NLGN4X: variants seen among roughly 807,000 people sequenced by gnomAD.
NLGN4X encodes the protein neuroligin-4, X-linked.
A neutral mutation model predicts 40.3 loss-of-function variants in NLGN4X; 3 were observed. The ratio of observed to expected loss-of-function variants is 0.07; its 90% CI spans 0.03 to 0.19. The LOEUF is 0.19. Among genes scored for constraint, NLGN4X ranks in the 10% least tolerant of loss-of-function variants. The pLI is 1.00. For missense variants in NLGN4X, 382 were observed against 708.3 expected, an observed-to-expected ratio of 0.54 and a Z score of 5.23; for synonymous variants, 270 against 306.8, an observed-to-expected ratio of 0.88 and a Z score of 1.25.
intron 2 of NLGN4X, among the ~76,000 whole-genome samples, chrX:6,112,263 C>T (rs1351835886): frequency 9.0e-6 from 1 of 111,295 alleles, no homozygotes; most frequent in Non-Finnish European, 1.9e-5. Flanking sequence ...ACACAAGATA[C>T]CCTTGTAACA....
intron 3 of NLGN4X, among the ~76,000 whole-genome samples, chrX:5,963,783 T>C (rs755151802): frequency 1.2e-4 from 13 of 112,479 alleles, no homozygotes; most frequent in African/African-American, 3.9e-4. Context: ...TTCTCTTCAC[T>C]AATTTTTAAC....
At chrX:6,039,641 C>A (rs778278630) in intron 2 of NLGN4X, among the ~76,000 whole-genome samples, 1 of 112,374 alleles carries the variant, frequency 8.9e-6, no homozygotes, top group Admixed American at 9.4e-5. Context: ...GTTGCCAACA[C>A]TTGACATTAT....
At chrX:6,074,834 G>C (rs770653812) in intron 2 of NLGN4X, among the ~76,000 whole-genome samples, 1 of 111,687 alleles carries the variant, frequency 9.0e-6, no homozygotes, top group Non-Finnish European at 1.9e-5. Context: ...TTATACAGAT[G>C]AGTAAATTGA....
At chrX:5,931,249 A>G in intron 3 of NLGN4X, among the ~76,000 whole-genome samples, 1 of 112,127 alleles carries the variant, frequency 8.9e-6, no homozygotes, top group Middle Eastern at 4.6e-3. Flanking sequence ...AATTGTCATT[A>G]TGAATTACTT....
At chrX:6,074,946 T>C (rs1307570596) in intron 2 of NLGN4X, among the ~76,000 whole-genome samples, 1 of 111,649 alleles carries the variant, frequency 9.0e-6, no homozygotes, top group Non-Finnish European at 1.9e-5. Context: ...TTGTATTATT[T>C]ATATTGATTC....
intron 3 of NLGN4X, among the ~76,000 whole-genome samples, chrX:5,994,334 T>G (rs2035762806): frequency 8.9e-6 from 1 of 111,783 alleles, no homozygotes; most frequent in Non-Finnish European, 1.9e-5. Context: ...TGTACTTTAC[T>G]AGAACCTCTT....
At chrX:5,980,706 A>G (rs1319138728) in intron 3 of NLGN4X, among the ~76,000 whole-genome samples, 2 of 109,922 alleles carry the variant, frequency 1.8e-5, no homozygotes, top group East Asian at 2.8e-4. Context: ...TTCATTGTCC[A>G]TATATGTACA....
intron 5 of NLGN4X, among the ~76,000 whole-genome samples, chrX:5,898,482 G>A (rs1168171985): frequency 9.0e-6 from 1 of 110,597 alleles, no homozygotes; most frequent in African/African-American, 3.3e-5. Context: ...TAGACTAAAG[G>A]TCAGAACCAT....
intron 3 of NLGN4X, among the ~76,000 whole-genome samples, chrX:6,021,891 C>T (rs1443581074): frequency 9.0e-6 from 1 of 110,600 alleles, no homozygotes; most frequent in African/African-American, 3.3e-5. Context: ...CTGGCTTTAC[C>T]GATAACATCT....
At chrX:6,199,610 G>A (rs189162870) in intron 1 of NLGN4X, among the ~76,000 whole-genome samples, 2 of 111,661 alleles carry the variant, frequency 1.8e-5, no homozygotes, top group African/African-American at 6.5e-5. Flanking sequence ...CAGATTTGTA[G>A]CTTTAGTGTT....
At chrX:6,211,387 T>G (rs753764248) in intron 1 of NLGN4X, among the ~76,000 whole-genome samples, 1 of 111,466 alleles carries the variant, frequency 9.0e-6, no homozygotes, top group African/African-American at 3.3e-5. Context: ...TCAAAAAATA[T>G]ATAAAGAACT....
At chrX:6,013,494 C>T (rs1481715548) in intron 3 of NLGN4X, among the ~76,000 whole-genome samples, 1 of 107,242 alleles carries the variant, frequency 9.3e-6, no homozygotes, top group African/African-American at 3.3e-5. Context: ...AACGGCTAAT[C>T]ATTCAGAAAC....
At chrX:6,037,292 C>T (rs2037039341) in intron 2 of NLGN4X, among the ~76,000 whole-genome samples, 1 of 104,751 alleles carries the variant, frequency 9.5e-6, no homozygotes, top group African/African-American at 3.6e-5. Flanking sequence ...GGTGAAACAG[C>T]CAGACCTTAT....
chrX:5,973,944 C>T (rs760601937), intron 3 of NLGN4X, among the ~76,000 whole-genome samples: 14 of 112,254 alleles, frequency 1.2e-4, no homozygotes, highest in Non-Finnish European at 2.4e-4. Flanking sequence ...ATGGTAGGTC[C>T]ATATATGTGC....
chrX:6,200,687 C>CTTTTTTTTTTTTTTTTTTT (rs767226691), intron 1 of NLGN4X, among the ~76,000 whole-genome samples: 2 of 55,558 alleles, frequency 3.6e-5, no homozygotes, highest in African/African-American at 8.7e-5. Flanking sequence ...CTTTCCTTTT[C>CTTTTTTTTTTTTTTTTTTT]TTTTTTTTTT....
intron 3 of NLGN4X, among the ~76,000 whole-genome samples, chrX:5,938,485 C>T (rs1342698995): frequency 9.0e-6 from 1 of 110,861 alleles, no homozygotes; most frequent in African/African-American, 3.3e-5. Context: ...ATTAGGTGTT[C>T]GGTTGGCTTT....
chrX:6,029,391 T>C lies in NLGN4X; in HGVS notation c.514A>G (p.Ile172Val). 3 of 1,210,417 alleles carry C rather than the reference T, an allele frequency of 2.5e-6. No individual in the cohort carries two copies. The highest frequency in any genetic ancestry group is 3.4e-6 in the Non-Finnish European group (3 of 894,567). ...CCCTCCATGTAAGATCCCCCATGGA[T>C]ATAGACCATGACGGGCTTCTTACTG... ...QNSKKPVMVY[I>V]HGGSYMEGTG... The change falls in exon 3 of 6, where the codon ATC becomes GTC. Residue 172 changes from isoleucine (I) to valine (V), a missense_variant. By Grantham distance (29) the Ile-to-Val change is conservative. Transcript: ENST00000381095.
chrX:6,163,568 C>T (rs2040442649), intron 1 of NLGN4X, among the ~76,000 whole-genome samples: 1 of 112,197 alleles, frequency 8.9e-6, no homozygotes, highest in Non-Finnish European at 1.9e-5. Flanking sequence ...CTCCCACCTG[C>T]TCCTTCTGTG....
chrX:6,154,516 A>G (rs1044463410), intron 1 of NLGN4X, among the ~76,000 whole-genome samples: 1 of 111,155 alleles, frequency 9.0e-6, no homozygotes, highest in African/African-American at 3.3e-5. Context: ...GTGGGGAAAA[A>G]AAAAAACAAG....
Sources: gnomAD v4.1 joint callset for allele counts (sites outside exome capture counted in the v4.1 genomes callset) on GRCh38, gnomAD v4.1.1 for gene constraint, MANE v1.5 for transcripts, NCBI Gene and HGNC (gene_info 2026-07-23, HGNC 2026-07-21) for gene names.